The following RBM27 variants were observed in gnomAD, a reference collection of about 807,000 sequenced individuals.
RBM27 encodes the protein RNA-binding protein 27.
RBM27 carries 22 observed loss-of-function variants against 135.3 expected under a neutral mutation model. The observed-to-expected ratio is 0.16, with a 90% CI of 0.12 to 0.23. The LOEUF is 0.23. Ranked by LOEUF, RBM27 falls within the 10% of genes least tolerant of loss-of-function variation. The pLI is 1.00. For missense variants in RBM27, 1,009 were observed against 1,281.0 expected (o/e 0.79, Z 3.24); for synonymous variants, 481 against 442.4 (o/e 1.09, Z -1.10).
At chr5:146,284,886 A>G (rs1759520129) in intron 20 of RBM27, among the ~76,000 whole-genome samples, 154 bp downstream of exon 20, 1 of 152,196 alleles carries the variant, frequency 6.6e-6, no homozygotes, top group Non-Finnish European at 1.5e-5. Context: ...GAATTAAAAC[A>G]GGTCTAGAGA....
At chr5:146,214,256 A>G (rs1384713232) in intron 1 of RBM27, among the ~76,000 whole-genome samples, 2 of 152,146 alleles carry the variant, frequency 1.3e-5, no homozygotes, top group African/African-American at 2.4e-5. Context: ...CTTTTTGTCT[A>G]GAGACATGTG....
chr5:146,289,085 A>G lies in RBM27; in HGVS notation c.*3055A>G, dbSNP rs995864424. ...ATTACAATCTGAATTTCTAAGAAGCATGTTGACTTTTGCAATAAAGATGCA... is the reference window on the plus strand; with the variant it reads ...ATTACAATCTGAATTTCTAAGAAGCGTGTTGACTTTTGCAATAAAGATGCA... On this transcript the variant is annotated 3_prime_UTR_variant, in exon 21 of 21. Transcript: ENST00000265271. 2 of 152,074 alleles carry G rather than the reference A, an allele frequency of 1.3e-5. No individual in the cohort carries two copies. The highest frequency in any genetic ancestry group is 2.1e-4 in the South Asian group (1 of 4,830). The allele number at this position is 152,074 out of a possible 1,614,324, so 9.4% of individuals were successfully genotyped here. A position where few individuals can be genotyped will look rare whatever the true frequency, so the allele number is the denominator to read the frequency against.
intron 2 of RBM27, 104 bp from the exon 3 acceptor site, chr5:146,223,299 A>G (rs1003854051): frequency 2.2e-5 from 22 of 1,007,396 alleles, no homozygotes; most frequent in Admixed American, 6.1e-5. Flanking sequence ...TAGTCCTACT[A>G]GCAGTGTACA....
chr5:146,205,559 TAGA>T (rs1266518394), intron 1 of RBM27, among the ~76,000 whole-genome samples: 2 of 151,774 alleles, frequency 1.3e-5, no homozygotes, highest in Non-Finnish European at 2.9e-5. Context: ...GAAGGTTTTG[TAGA>T]AGAATATAGG....
rs758686757 is a variant in RBM27 at position 146,233,466 on chromosome 5, A to C, written c.867A>C (p.Val289=). Residue 289 remains valine, a synonymous_variant, in exon 7 of 21, where the codon GTA becomes GTC. Coordinates refer to ENST00000265271, the MANE Select transcript of RBM27 (RefSeq NM_018989.2). Reference sequence around the variant, plus strand: ...ATTCCACAGAAAGAGGATTTTGTGTACTTGGTGACCTTTGTCAGTTTGATC... The same window carrying C: ...ATTCCACAGAAAGAGGATTTTGTGTCCTTGGTGACCTTTGTCAGTTTGATC... The part of the protein sequence containing the change: ...CRDYDERGFC[V]LGDLCQFDHG... 3.1e-5 allele frequency: 48 copies of C among 1,557,862 alleles called. No individual in the cohort carries two copies. In the Admixed American group the frequency reaches 9.3e-4, roughly 30 times the overall value.
intron 3 of RBM27, 91 bp downstream of exon 3, chr5:146,223,618 G>A (rs902155460): frequency 8.3e-5 from 116 of 1,395,766 alleles, no homozygotes; most frequent in Non-Finnish European, 1.1e-4. Context: ...AAAAGTAATT[G>A]TGTATTGATT....
At chr5:146,246,249 T>A (rs75185581) in intron 8 of RBM27, among the ~76,000 whole-genome samples, 1 of 152,152 alleles carries the variant, frequency 6.6e-6, no homozygotes, top group Non-Finnish European at 1.5e-5. Context: ...TTTTTTCCTG[T>A]GAATACTCTT....
chr5:146,224,651 C>T (rs557344055), intron 3 of RBM27, among the ~76,000 whole-genome samples: 1 of 152,170 alleles, frequency 6.6e-6, no homozygotes, highest in Non-Finnish European at 1.5e-5. Flanking sequence ...TGTTGCACTC[C>T]AGCCTGGGCA....
chr5:146,277,517 A>T (rs1040682024), intron 19 of RBM27, among the ~76,000 whole-genome samples: 3 of 125,546 alleles, frequency 2.4e-5, no homozygotes, highest in African/African-American at 9.3e-5. Flanking sequence ...TACTGGGATA[A>T]TTTTTTTTTT....
At chr5:146,222,792 C>A (rs1338316471) in intron 2 of RBM27, among the ~76,000 whole-genome samples, 1 of 152,076 alleles carries the variant, frequency 6.6e-6, no homozygotes, top group Non-Finnish European at 1.5e-5. Flanking sequence ...AACAGAGCAC[C>A]CTTTAAGTAA....
At chr5:146,247,818 G>T (rs192581320) in intron 8 of RBM27, among the ~76,000 whole-genome samples, 2 of 152,214 alleles carry the variant, frequency 1.3e-5, no homozygotes, top group African/African-American at 4.8e-5. Flanking sequence ...ATATTGATTA[G>T]TGTGTAAAGG....
At chr5:146,249,300 A>G (rs971315620) in intron 8 of RBM27, among the ~76,000 whole-genome samples, 2 of 152,124 alleles carry the variant, frequency 1.3e-5, no homozygotes, top group Non-Finnish European at 2.9e-5. Flanking sequence ...TCTCTTTAAC[A>G]TACTACTACA....
At chr5:146,237,542 C>G in intron 8 of RBM27, 110 bp downstream of exon 8, 2 of 1,238,948 alleles carry the variant, frequency 1.6e-6, no homozygotes, top group Non-Finnish European at 2.3e-6. Context: ...CTTATGGATT[C>G]TAAAAATTGT....
In RBM27 at chr5:146,229,853, C is replaced by G; in HGVS notation, c.532C>G (p.Arg178Gly). Residue 178 changes from arginine (R) to glycine (G), a missense_variant, in exon 5 of 21, where the codon CGC (arginine) becomes GGC (glycine). Arg to Gly is a moderately radical substitution (Grantham distance 125, BLOSUM62 -2). Coordinates refer to ENST00000265271, the MANE Select transcript of RBM27 (RefSeq NM_018989.2). ...KSRSKSRGLS[R>G]SRSRSRGRSK... ...TCGGAGTAAGAGTCGAGGCCTGAGTCGCAGTAGAAGCCGAAGTAGGGGGCG... is the reference window on the plus strand; with the variant it reads ...TCGGAGTAAGAGTCGAGGCCTGAGTGGCAGTAGAAGCCGAAGTAGGGGGCG... 6.2e-7 allele frequency: 1 copy of G among 1,613,884 alleles called. No individual in the cohort carries two copies. The highest frequency in any genetic ancestry group is 8.5e-7 in the Non-Finnish European group (1 of 1,179,918).
At chr5:146,205,367 A>T (rs542381944) in intron 1 of RBM27, among the ~76,000 whole-genome samples, 1 of 152,162 alleles carries the variant, frequency 6.6e-6, no homozygotes, top group African/African-American at 2.4e-5. Context: ...GGGGTAGAAG[A>T]AGAGATGGGC....
intron 9 of RBM27, among the ~76,000 whole-genome samples, chr5:146,253,684 G>A (rs755101513): frequency 1.7e-4 from 26 of 152,102 alleles, no homozygotes; most frequent in Non-Finnish European, 1.5e-4. Context: ...CCTCATTATA[G>A]CTTCTGGATG....
chr5:146,241,881 T>A (rs1757420921), intron 8 of RBM27, among the ~76,000 whole-genome samples: 2 of 152,210 alleles, frequency 1.3e-5, no homozygotes, highest in Admixed American at 1.3e-4. Context: ...ACTTTAATTT[T>A]AAAAATATGT....
chr5:146,213,447 A>AT lies in RBM27; in HGVS notation c.60-5526dup, dbSNP rs879852926. On this transcript the variant is annotated intron_variant, in intron 1 of 20. Coordinates refer to ENST00000265271, the MANE Select transcript of RBM27 (RefSeq NM_018989.2). ...TGTTGATACACATTGAGATCAGGAG[A>AT]TTTTTTTTTTTTAAGCTGTGGCTCA... 2.9e-3 allele frequency among the ~76,000 whole-genome samples: 430 copies of AT among 147,334 alleles called. 1 individual carries two copies. The highest frequency in any genetic ancestry group is 8.9e-3 in the African/African-American group (360 of 40,362).
chr5:146,281,011 C>T (rs1158252230), intron 19 of RBM27, among the ~76,000 whole-genome samples: 1 of 152,066 alleles, frequency 6.6e-6, no homozygotes, highest in African/African-American at 2.4e-5. Context: ...GCGCCCACCA[C>T]CACACCCAAC....
Sources: gnomAD v4.1 joint callset for allele counts (sites outside exome capture counted in the v4.1 genomes callset) on GRCh38, gnomAD v4.1.1 for gene constraint, MANE v1.5 for transcripts, NCBI Gene and HGNC (gene_info 2026-07-23, HGNC 2026-07-21) for gene names.